The following TMEM108 variants were observed in gnomAD, a reference collection of about 807,000 sequenced individuals.
TMEM108 encodes the protein cancer/testis antigen 124.
TMEM108 carries 12 observed loss-of-function variants against 35.1 expected under a neutral mutation model. The observed-to-expected ratio is 0.34, with a 90% CI of 0.22 to 0.55. TMEM108 has a LOEUF of 0.55. Among genes scored for constraint, TMEM108 ranks in the 20% least tolerant of loss-of-function variants. TMEM108 has a pLI of 0.89. For synonymous variants in TMEM108, 287 were observed against 308.6 expected, an observed-to-expected ratio of 0.93 and a Z score of 0.73; for missense variants, 680 against 753.3, an observed-to-expected ratio of 0.90 and a Z score of 1.14.
chr3:133,371,549 A>G (rs987217843), intron 3 of TMEM108, among the ~76,000 whole-genome samples: 2 of 144,848 alleles, frequency 1.4e-5, no homozygotes, highest in African/African-American at 5.1e-5. Flanking sequence ...AGAAGTAGCC[A>G]TACCACCTTT....
At chr3:133,233,484 G>A (rs1946186407) in intron 3 of TMEM108, among the ~76,000 whole-genome samples, 1 of 152,208 alleles carries the variant, frequency 6.6e-6, no homozygotes, top group Non-Finnish European at 1.5e-5. Context: ...GTTGTGAATA[G>A]TGCCACAATA....
At chr3:133,195,221 C>A (rs1195700925) in intron 2 of TMEM108, among the ~76,000 whole-genome samples, 1 of 152,114 alleles carries the variant, frequency 6.6e-6, no homozygotes, top group Non-Finnish European at 1.5e-5. Context: ...TTGTAATGAG[C>A]AATCCCTGAA....
At chr3:133,253,867 CA>C (rs1946506691) in intron 3 of TMEM108, among the ~76,000 whole-genome samples, 1 of 152,054 alleles carries the variant, frequency 6.6e-6, no homozygotes, top group African/African-American at 2.4e-5. Flanking sequence ...TTAAAGAAAA[CA>C]AAAGGAAAAA....
At chr3:133,130,312 C>G (rs890740854) in intron 2 of TMEM108, among the ~76,000 whole-genome samples, 3 of 152,190 alleles carry the variant, frequency 2.0e-5, no homozygotes, top group Non-Finnish European at 4.4e-5. Flanking sequence ...GTATTTGACT[C>G]ATGAATCTGC....
chr3:133,116,373 G>T (rs9822145), intron 2 of TMEM108, among the ~76,000 whole-genome samples: 32,846 of 152,066 alleles, frequency 0.22, 4,336 homozygotes, highest in Non-Finnish European at 0.3. Context: ...ATCCTGTTTA[G>T]ATATGTTATA....
intron 3 of TMEM108, among the ~76,000 whole-genome samples, chr3:133,285,877 A>G (rs928998453): frequency 2.4e-4 from 36 of 152,094 alleles, no homozygotes; most frequent in African/African-American, 8.7e-4. Context: ...CAGTCCAGTC[A>G]TATCTTTTTA....
intron 3 of TMEM108, among the ~76,000 whole-genome samples, chr3:133,280,323 C>T (rs1946895322): frequency 6.6e-6 from 1 of 152,150 alleles, no homozygotes; most frequent in African/African-American, 2.4e-5. Context: ...AAATTTTCTG[C>T]TTCTTGTCTT....
intron 3 of TMEM108, among the ~76,000 whole-genome samples, chr3:133,249,334 G>A (rs1946432659): frequency 6.6e-6 from 1 of 152,202 alleles, no homozygotes; most frequent in Non-Finnish European, 1.5e-5. Context: ...GAGAATGTTA[G>A]CCCTTAAACT....
chr3:133,175,651 C>A (rs1462898564), intron 2 of TMEM108, among the ~76,000 whole-genome samples: 1 of 149,354 alleles, frequency 6.7e-6, no homozygotes, highest in Non-Finnish European at 1.5e-5. Context: ...CAGGCCTGCC[C>A]TAAAAGAGCT....
chr3:133,179,278 C>G (rs1167883394), intron 2 of TMEM108, among the ~76,000 whole-genome samples: 5 of 151,768 alleles, frequency 3.3e-5, no homozygotes, highest in Admixed American at 3.3e-4. Context: ...ACTAGAAATA[C>G]CATGTGACCC....
intron 2 of TMEM108, among the ~76,000 whole-genome samples, chr3:133,104,360 C>G (rs140551067): frequency 3.8e-4 from 58 of 152,290 alleles, no homozygotes; most frequent in African/African-American, 1.3e-3. Context: ...CTTTATTTGT[C>G]TGTAGCTGAA....
intron 3 of TMEM108, among the ~76,000 whole-genome samples, chr3:133,366,287 G>A (rs1437022239): frequency 6.6e-6 from 1 of 152,212 alleles, no homozygotes; most frequent in South Asian, 2.1e-4. Flanking sequence ...TGCCCATGGT[G>A]GGGAATGAGA....
At chr3:133,082,076 A>C (rs372548102) in intron 2 of TMEM108, among the ~76,000 whole-genome samples, 2 of 152,330 alleles carry the variant, frequency 1.3e-5, no homozygotes, top group East Asian at 1.9e-4. Flanking sequence ...TCTTGAAAAT[A>C]AATCTGAGCA....
chr3:133,184,911 A>T (rs1317023176), intron 2 of TMEM108, among the ~76,000 whole-genome samples: 1 of 152,238 alleles, frequency 6.6e-6, no homozygotes, highest in African/African-American at 2.4e-5. Context: ...CTTACAGTTG[A>T]CATCTTTTTA....
chr3:133,119,864 T>C (rs1215739162), intron 2 of TMEM108, among the ~76,000 whole-genome samples: 1 of 152,216 alleles, frequency 6.6e-6, no homozygotes, highest in Non-Finnish European at 1.5e-5. Context: ...CCCCCAAATC[T>C]CTTGCATATC....
intron 3 of TMEM108, chr3:133,378,661 AGGTAC>A: frequency 3.1e-5 from 13 of 421,122 alleles, no homozygotes; most frequent in Non-Finnish European, 4.1e-5. Flanking sequence ...TGCTTGCATG[AGGTAC>A]CATTTTTAAA....
Position 133,148,182 on chromosome 3 carries a change from G to A in TMEM108, c.-46-81084G>A, listed in dbSNP as rs538828627. ...ATCATTTTCTGATAAAATAGCCCAG[G>A]GCTCCTTGGAGAAATGGCTGATTCT... On this transcript the variant is annotated intron_variant, in intron 2 of 5. Transcript: ENST00000321871. 3.3e-5 allele frequency among the ~76,000 whole-genome samples: 5 copies of A among 152,234 alleles called. No individual in the cohort carries two copies. In the South Asian group the frequency reaches 8.3e-4, roughly 25 times the overall value.
intron 2 of TMEM108, among the ~76,000 whole-genome samples, chr3:133,073,510 C>CTCTCTCTCTCTCTCTCTCTATA: frequency 2.2e-3 from 96 of 43,862 alleles, no homozygotes; most frequent in Non-Finnish European, 2.8e-3. Flanking sequence ...CTCTCTCTCT[C>CTCTCTCTCTCTCTCTCTCTATA]TATATATATA....
intron 2 of TMEM108, among the ~76,000 whole-genome samples, chr3:133,094,010 T>G (rs1301176419): frequency 6.6e-6 from 1 of 152,166 alleles, no homozygotes. Context: ...TAACAAGGCC[T>G]GAGGAACTTG....
Sources: gnomAD v4.1 joint callset for allele counts (sites outside exome capture counted in the v4.1 genomes callset) on GRCh38, gnomAD v4.1.1 for gene constraint, MANE v1.5 for transcripts, NCBI Gene and HGNC (gene_info 2026-07-23, HGNC 2026-07-21) for gene names.